SAMD12: variants seen among roughly 807,000 people sequenced by gnomAD.
SAMD12 encodes the protein sterile alpha motif domain-containing protein 12.
A neutral mutation model predicts 15.0 loss-of-function variants in SAMD12; 9 were observed. The ratio of observed to expected loss-of-function variants is 0.60; its 90% CI spans 0.36 to 1.05. The LOEUF is 1.05. Ranked by LOEUF, SAMD12 falls within the 50% of genes least tolerant of loss-of-function variation. The probability of loss-of-function intolerance (pLI) is 0.01; values close to 1 mark genes in which losing one functional copy is unlikely to be tolerated. For missense variants in SAMD12, 230 were observed against 234.2 expected (o/e 0.98, Z 0.12); for synonymous variants, 86 against 90.1 (o/e 0.96, Z 0.25).
At chr8:118,268,669 C>T (rs574102020) in intron 4 of SAMD12, among the ~76,000 whole-genome samples, 1 of 152,084 alleles carries the variant, frequency 6.6e-6, no homozygotes, top group Non-Finnish European at 1.5e-5. Flanking sequence ...ACAAAATTAG[C>T]CAGGCGTGGT....
chr8:118,303,394 T>A (rs1563747731), intron 4 of SAMD12, among the ~76,000 whole-genome samples: 1 of 152,172 alleles, frequency 6.6e-6, no homozygotes, highest in Non-Finnish European at 1.5e-5. Flanking sequence ...TAGAAGACAG[T>A]TCTGGAATGG....
intron 2 of SAMD12, among the ~76,000 whole-genome samples, chr8:118,576,908 C>T (rs1827166333): frequency 6.6e-6 from 1 of 152,192 alleles, no homozygotes; most frequent in Non-Finnish European, 1.5e-5. Flanking sequence ...ACTTCTGGAC[C>T]TCCCAATGCA....
chr8:118,463,876 A>G (rs769560560), intron 2 of SAMD12, among the ~76,000 whole-genome samples: 3 of 152,066 alleles, frequency 2.0e-5, no homozygotes, highest in Non-Finnish European at 4.4e-5. Context: ...GAGGAGGGAA[A>G]AGTATGGTTT....
At chr8:118,618,343 T>G (rs1828297695) in intron 1 of SAMD12, among the ~76,000 whole-genome samples, 1 of 152,226 alleles carries the variant, frequency 6.6e-6, no homozygotes, top group African/African-American at 2.4e-5. Context: ...TCAAGTTTAC[T>G]TAAGAAAAAG....
At chr8:118,494,601 C>T (rs777529846) in intron 2 of SAMD12, among the ~76,000 whole-genome samples, 3 of 152,308 alleles carry the variant, frequency 2.0e-5, no homozygotes, top group Admixed American at 6.5e-5. Context: ...ATAGCGCTCC[C>T]TCAGTCCCAA....
chr8:118,184,849 T>C (rs1442875505), downstream of SAMD12, among the ~76,000 whole-genome samples: 1 of 152,130 alleles, frequency 6.6e-6, no homozygotes, highest in Non-Finnish European at 1.5e-5. Flanking sequence ...TCCCCTAATT[T>C]AATTTTTGAA....
intron 3 of SAMD12, among the ~76,000 whole-genome samples, chr8:118,380,434 G>A (rs772174954): frequency 6.6e-6 from 1 of 152,106 alleles, no homozygotes; most frequent in Non-Finnish European, 1.5e-5. Flanking sequence ...CAGACACCCT[G>A]GGCTATGGTC....
At chr8:118,489,265 G>A (rs919271188) in intron 2 of SAMD12, among the ~76,000 whole-genome samples, 2 of 151,980 alleles carry the variant, frequency 1.3e-5, no homozygotes, top group African/African-American at 2.4e-5. Flanking sequence ...TTTATGTATT[G>A]CAAATATCTT....
chr8:118,133,010 A>C, the SAMD12 span, among the ~76,000 whole-genome samples: 19 of 107,114 alleles, frequency 1.8e-4, no homozygotes, highest in Admixed American at 6.8e-4. Flanking sequence ...ATATATATAT[A>C]TATATATATA....
intron 2 of SAMD12, among the ~76,000 whole-genome samples, chr8:118,484,017 G>A (rs1465185414): frequency 2.0e-5 from 3 of 152,178 alleles, no homozygotes; most frequent in Admixed American, 6.6e-5. Flanking sequence ...GTTCATTCTA[G>A]TGGAGGTAGA....
intron 4 of SAMD12, among the ~76,000 whole-genome samples, chr8:118,295,248 T>C: frequency 6.6e-6 from 1 of 152,356 alleles, no homozygotes; most frequent in East Asian, 1.9e-4. Context: ...AAATTATTGG[T>C]GAAAGGCTAT....
chr8:118,583,708 T>C (rs1827353757), intron 1 of SAMD12, among the ~76,000 whole-genome samples: 1 of 152,178 alleles, frequency 6.6e-6, no homozygotes, highest in African/African-American at 2.4e-5. Context: ...CTAAGTCCTA[T>C]TCACCTCATG....
chr8:118,356,933 C>T (rs1007400784), intron 4 of SAMD12, among the ~76,000 whole-genome samples: 8 of 152,204 alleles, frequency 5.3e-5, no homozygotes, highest in Non-Finnish European at 1.0e-4. Context: ...AACAGATCCA[C>T]CCCCATTCGC....
At chr8:118,292,814 C>T (rs1216105202) in intron 4 of SAMD12, among the ~76,000 whole-genome samples, 4 of 149,528 alleles carry the variant, frequency 2.7e-5, no homozygotes, top group African/African-American at 4.9e-5. Flanking sequence ...AAAAACCAAA[C>T]ACCACATATT....
At position 118,460,743 on chromosome 8, in the gene SAMD12, T is replaced by G; in HGVS notation, c.193-20782A>C. On this transcript the variant is annotated intron_variant, in intron 2 of 3. Coordinates refer to ENST00000314727, the MANE Select transcript of SAMD12 (RefSeq NM_207506.3). ...GAGTAGAGCAGAGATGATGAGACCATGAATAGTGAGACAGTTTGGCTCACA... is the reference window on the plus strand; with the variant it reads ...GAGTAGAGCAGAGATGATGAGACCAGGAATAGTGAGACAGTTTGGCTCACA... 1.3e-5 allele frequency among the ~76,000 whole-genome samples: 2 copies of G among 152,002 alleles called. 1 individual carries two copies. Among genetic ancestry groups the G allele is most frequent in the South Asian group, 4.1e-4 (2 of 4,820 alleles).
At chr8:118,559,530 T>A (rs1826647433) in intron 2 of SAMD12, among the ~76,000 whole-genome samples, 1 of 152,242 alleles carries the variant, frequency 6.6e-6, no homozygotes, top group East Asian at 1.9e-4. Context: ...TATTAGGATT[T>A]TTATTTTATC....
chr8:118,138,409 G>T, the SAMD12 span, among the ~76,000 whole-genome samples: 1 of 152,160 alleles, frequency 6.6e-6, no homozygotes, highest in Non-Finnish European at 1.5e-5. Context: ...TGTTCAAGGG[G>T]ACAGAGCCCT....
the SAMD12 span, among the ~76,000 whole-genome samples, chr8:118,179,058 C>T: frequency 6.6e-6 from 1 of 152,166 alleles, no homozygotes; most frequent in Non-Finnish European, 1.5e-5. Context: ...AGGACTCCCT[C>T]CTCCCATGGC....
chr8:118,461,193 C>T (rs1218670831), intron 2 of SAMD12, among the ~76,000 whole-genome samples: 1 of 152,218 alleles, frequency 6.6e-6, no homozygotes, highest in African/African-American at 2.4e-5. Flanking sequence ...TCTGCTCCAA[C>T]ACAGAACCCT....
Sources: gnomAD v4.1 joint callset for allele counts (sites outside exome capture counted in the v4.1 genomes callset) on GRCh38, gnomAD v4.1.1 for gene constraint, MANE v1.5 for transcripts, NCBI Gene and HGNC (gene_info 2026-07-23, HGNC 2026-07-21) for gene names.